The following PAK3 variants were observed in gnomAD, a reference collection of about 807,000 sequenced individuals.
The protein encoded by PAK3 is p21 (RAC1) activated kinase 3, also known as serine/threonine-protein kinase PAK 3.
Under a neutral mutation model 41.0 loss-of-function variants are expected in PAK3, and 4 were observed. The ratio of observed to expected loss-of-function variants is 0.10; its 90% CI spans 0.05 to 0.22. The LOEUF (loss-of-function observed/expected upper bound fraction) is 0.22. PAK3 is among the 10% of genes least tolerant of loss of function. The pLI, the probability that PAK3 is intolerant of heterozygous loss-of-function variation, is 1.00. For missense variants in PAK3, 205 were observed against 409.9 expected, an observed-to-expected ratio of 0.50 and a Z score of 4.32; for synonymous variants, 146 against 139.6, an observed-to-expected ratio of 1.05 and a Z score of -0.32.
intron 5 of PAK3, among the ~76,000 whole-genome samples, chrX:111,132,166 C>T (rs2093728258): frequency 9.0e-6 from 1 of 110,594 alleles, no homozygotes; most frequent in South Asian, 4.0e-4. Context: ...CATCTATCAT[C>T]CAGCTAAAGA....
chrX:110,988,242 A>G (rs1333209026), intron 1 of PAK3, among the ~76,000 whole-genome samples: 1 of 111,796 alleles, frequency 8.9e-6, no homozygotes, highest in East Asian at 2.8e-4. Flanking sequence ...TGTGGGTCCA[A>G]TTTGGAAACC....
At chrX:110,984,518 G>T (rs1355947380) in intron 1 of PAK3, among the ~76,000 whole-genome samples, 3 of 111,473 alleles carry the variant, frequency 2.7e-5, no homozygotes, top group Non-Finnish European at 3.8e-5. Flanking sequence ...ATAGAACAGT[G>T]GGGGGCAAAG....
intron 1 of PAK3, among the ~76,000 whole-genome samples, chrX:111,040,972 G>A (rs750765769): frequency 3.6e-5 from 4 of 112,225 alleles, no homozygotes; most frequent in Admixed American, 1.9e-4. Context: ...AAAGGTAATT[G>A]TTTTCCAGTG....
intron 1 of PAK3, among the ~76,000 whole-genome samples, chrX:111,026,885 A>G (rs1309274666): frequency 8.9e-6 from 1 of 112,269 alleles, no homozygotes; most frequent in African/African-American, 3.2e-5. Context: ...ATCTGGAGGC[A>G]TCACATTACC....
rs1015834439 is a variant in PAK3, at chrX:111,224,858, T to C, written c.*4411T>C. 8.9e-6 allele frequency: 1 copy of C among 112,484 alleles called. No individual in the cohort carries two copies. Among genetic ancestry groups the C allele is most frequent in the African/African-American group, 3.2e-5 (1 of 30,958 alleles). 9.3% of individuals were successfully genotyped at this position (112,484 alleles called of 1,213,427 possible). A position where few individuals can be genotyped will look rare whatever the true frequency, so the allele number is the denominator to read the frequency against. On this transcript the variant is annotated 3_prime_UTR_variant, in exon 18 of 18. Coordinates refer to ENST00000372007, the MANE Select transcript of PAK3 (RefSeq NM_002578.5). ...AAGTCACTGGCTTTTTATTGGTCATTCTCAATACAGAAATACTTAGGGGAG... is the reference window on the plus strand; with the variant it reads ...AAGTCACTGGCTTTTTATTGGTCATCCTCAATACAGAAATACTTAGGGGAG...
Position 111,023,547 on chromosome X carries a change from G to A in PAK3, c.-28+78919G>A, listed in dbSNP as rs1347565241. On this transcript the variant is annotated intron_variant, in intron 1 of 14. Coordinates refer to the PAK3 transcript ENST00000425146. ...TTCCTATTTCTCCACATCCTCTCCA[G>A]CACCTGTTGTTTCCTGACTTTTTAA... 8.9e-5 allele frequency among the ~76,000 whole-genome samples: 10 copies of A among 112,002 alleles called. No individual in the cohort carries two copies. In the Admixed American group the frequency reaches 9.4e-4, roughly 11 times the overall value.
chrX:111,119,919 C>A (rs898226496), intron 4 of PAK3, among the ~76,000 whole-genome samples: 3 of 112,140 alleles, frequency 2.7e-5, no homozygotes, highest in Non-Finnish European at 5.6e-5. Flanking sequence ...AACAGCAAAG[C>A]AGAATTATCT....
At chrX:111,122,117 G>C (rs1474032282) in intron 4 of PAK3, among the ~76,000 whole-genome samples, 2 of 107,561 alleles carry the variant, frequency 1.9e-5, no homozygotes, top group Admixed American at 2.0e-4. Flanking sequence ...TTAGCTGGGC[G>C]TGGTGGTGGG....
intron 1 of PAK3, among the ~76,000 whole-genome samples, chrX:110,977,411 A>G (rs749271103): frequency 5.8e-4 from 64 of 110,759 alleles, no homozygotes; most frequent in Non-Finnish European, 1.0e-3. Flanking sequence ...AAATTTTAGG[A>G]TCATCTTGCC....
At position 111,207,098 on chromosome X, in the gene PAK3, G is replaced by GTGTGTGTA. The variant is rs760955956; in HGVS notation, c.1408-9322_1408-9321insGTGTGTAT. ...CGTGTGTGTGTGTGTGTGTGTGTGT[G>GTGTGTGTA]TATATATATATACATATATACATAT... On this transcript the variant is annotated intron_variant, in intron 16 of 17. Transcript: ENST00000372007. 7.6e-3 allele frequency among the ~76,000 whole-genome samples: 779 copies of GTGTGTGTA among 103,089 alleles called. 7 individuals are homozygous for GTGTGTGTA. The highest frequency in any genetic ancestry group is 0.026 in the African/African-American group (735 of 28,231). 89.5% of individuals were successfully genotyped at this position (103,089 alleles called of 115,157 possible).
intron 1 of PAK3, among the ~76,000 whole-genome samples, chrX:110,965,749 A>T (rs1175497589): frequency 8.9e-6 from 1 of 112,379 alleles, no homozygotes; most frequent in Non-Finnish European, 1.9e-5. Flanking sequence ...ATGAAAGCTA[A>T]CACTGACAGA....
chrX:110,958,745 TG>T (rs776467397), intron 1 of PAK3, among the ~76,000 whole-genome samples: 22 of 111,779 alleles, frequency 2.0e-4, no homozygotes, highest in African/African-American at 6.8e-4. Context: ...TTAACATGAA[TG>T]CATTTGTTCT....
At chrX:111,073,091 C>T (rs921345570) in intron 1 of PAK3, among the ~76,000 whole-genome samples, 2 of 111,195 alleles carry the variant, frequency 1.8e-5, no homozygotes, top group African/African-American at 6.5e-5. Context: ...CCTCCATGTT[C>T]CCACAGCCAC....
chrX:110,994,162 C>G (rs939505701), intron 1 of PAK3, among the ~76,000 whole-genome samples: 24 of 112,105 alleles, frequency 2.1e-4, no homozygotes, highest in African/African-American at 7.8e-4. Context: ...TCTTTGCTGA[C>G]TCGATGAGAT....
chrX:111,007,277 C>T (rs1000958613), intron 1 of PAK3, among the ~76,000 whole-genome samples: 1 of 111,275 alleles, frequency 9.0e-6, no homozygotes, highest in Non-Finnish European at 1.9e-5. Context: ...CCCAACCTGC[C>T]CTGTGGGAGT....
At chrX:111,006,924 A>G (rs2091941313) in intron 1 of PAK3, among the ~76,000 whole-genome samples, 1 of 100,462 alleles carries the variant, frequency 1.0e-5, no homozygotes, top group Non-Finnish European at 2.0e-5. Flanking sequence ...GGCTCACCGA[A>G]GCGTCAACTT....
intron 17 of PAK3, among the ~76,000 whole-genome samples, chrX:111,218,482 A>G (rs1438514590): frequency 8.9e-6 from 1 of 112,345 alleles, no homozygotes; most frequent in Non-Finnish European, 1.9e-5. Flanking sequence ...GTCTTCAAAC[A>G]GGAAAGAGGT....
chrX:111,087,520 T>G (rs1018593383), intron 1 of PAK3, among the ~76,000 whole-genome samples: 1 of 110,188 alleles, frequency 9.1e-6, no homozygotes, highest in African/African-American at 3.3e-5. Flanking sequence ...ACATCTTCCA[T>G]GGTCAGCCAA....
At chrX:111,147,248 A>C (rs1188730262) in intron 6 of PAK3, among the ~76,000 whole-genome samples, 1 of 112,035 alleles carries the variant, frequency 8.9e-6, no homozygotes, top group Non-Finnish European at 1.9e-5. Flanking sequence ...ACAAAGTATA[A>C]CCTGACCAAG....
Sources: allele counts gnomAD v4.1 joint callset (sites outside exome capture counted in the v4.1 genomes callset), GRCh38; gene constraint gnomAD v4.1.1; transcripts MANE v1.5; gene names NCBI Gene and HGNC (gene_info 2026-07-23, HGNC 2026-07-21).